The following CPLX2 variants were observed in gnomAD, a reference collection of about 807,000 sequenced individuals.
CPLX2 encodes the protein complexin 2, also known as complexin-2.
A neutral mutation model predicts 16.3 loss-of-function variants in CPLX2; 5 were observed. The ratio of observed to expected loss-of-function variants is 0.31; its 90% confidence interval spans 0.16 to 0.64. The LOEUF is 0.64. Ranked by LOEUF, CPLX2 falls within the 30% of genes least tolerant of loss-of-function variation. The probability of loss-of-function intolerance (pLI) is 0.79; values close to 1 mark genes in which losing one functional copy is unlikely to be tolerated. For missense variants in CPLX2, 144 were observed against 181.4 expected, an observed-to-expected ratio of 0.79 and a Z score of 1.18; for synonymous variants, 89 against 73.2, an observed-to-expected ratio of 1.22 and a Z score of -1.10.
chr5:175,845,471 G>A lies in CPLX2; in HGVS notation c.-88-33181G>A, dbSNP rs1207583704. On this transcript the variant is annotated intron_variant, in intron 2 of 4. Transcript: ENST00000359546. This position sits in a 1 kb window ranked among gnomAD's most constrained non-coding sequence, Gnocchi z 4.0. ...CTTTGCACCTGCTTTTGCTCTCCTT[G>A]GCAGATTATCCCATCAGGCAAAGGT... 1.3e-5 allele frequency among the ~76,000 whole-genome samples: 2 copies of A among 152,094 alleles called. No homozygotes were observed. The highest frequency in any genetic ancestry group is 3.9e-4 in the East Asian group (2 of 5,192).
rs568629664 is a variant in CPLX2 at position 175,844,304 on chromosome 5, G to C, written c.-88-34348G>C. 3.9e-4 allele frequency among the ~76,000 whole-genome samples: 60 copies of C among 152,346 alleles called. 1 individual carries two copies. Among genetic ancestry groups the C allele is most frequent in the African/African-American group, 1.4e-3 (60 of 41,576 alleles). On this transcript the variant is annotated intron_variant, in intron 2 of 4. Transcript: ENST00000359546. ...ATGGAGGCACCCAGAAAGGCAAGAA[G>C]TTTCTGTTTCTTCATCAGGAAAATC...
chr5:175,826,439 C>T (rs1289939830), intron 2 of CPLX2, among the ~76,000 whole-genome samples: 2 of 151,572 alleles, frequency 1.3e-5, no homozygotes, highest in African/African-American at 2.4e-5. Flanking sequence ...GTCATGGCCA[C>T]AGCATGAGCA....
chr5:175,852,639 G>T (rs1004590550), intron 2 of CPLX2, among the ~76,000 whole-genome samples: 2 of 152,330 alleles, frequency 1.3e-5, no homozygotes, highest in South Asian at 2.1e-4. Context: ...GAGACAAAGT[G>T]TCTTCTTCCC....
At position 175,843,182 on chromosome 5, in the gene CPLX2, G is replaced by A. The variant is rs759391417; in HGVS notation, c.-89+34114G>A. Among the ~76,000 whole-genome samples the A allele has an allele frequency of 1.6e-4, 25 of 152,162 alleles. 1 individual carries two copies. The highest frequency in any genetic ancestry group is 2.6e-4 in the Non-Finnish European group (18 of 68,028). ...GAGCCAGTCTCTGAGGCAGCCAGAC[G>A]GGGTCAGCTAGTCAGACAACAGGCT... On this transcript the variant is annotated intron_variant, in intron 2 of 4. Coordinates refer to the CPLX2 transcript ENST00000359546.
At chr5:175,855,091 G>T (rs959923038) in intron 2 of CPLX2, among the ~76,000 whole-genome samples, 1 of 152,216 alleles carries the variant, frequency 6.6e-6, no homozygotes, top group Non-Finnish European at 1.5e-5. Context: ...AGCCAGCAAG[G>T]CTTCTTTCCT....
At chr5:175,858,431 G>A (rs1010813840) in intron 2 of CPLX2, among the ~76,000 whole-genome samples, 1 of 152,252 alleles carries the variant, frequency 6.6e-6, no homozygotes, top group Non-Finnish European at 1.5e-5. Flanking sequence ...CGAAGACCCT[G>A]GCAGGGAGCA....
intron 1 of CPLX2, among the ~76,000 whole-genome samples, chr5:175,873,462 T>C (rs990359449): frequency 1.3e-5 from 2 of 151,924 alleles, no homozygotes; most frequent in Non-Finnish European, 2.9e-5. Flanking sequence ...TGAAACAAGA[T>C]ACTGGTCCTG....
upstream of CPLX2, among the ~76,000 whole-genome samples, chr5:175,869,416 A>ATCCTATGGCTGGACAGC (rs554838386): frequency 1.9e-3 from 290 of 152,306 alleles, no homozygotes; most frequent in African/African-American, 6.6e-3. Flanking sequence ...AGGGCAGTCT[A>ATCCTATGGCTGGACAGC]TCCTATGGCT....
At position 175,849,290 on chromosome 5, in the gene CPLX2, G is replaced by A. The variant is rs556850122; in HGVS notation, c.-88-29362G>A. On this transcript the variant is annotated intron_variant, in intron 2 of 4. Transcript: ENST00000359546. This position sits in a 1 kb window ranked among gnomAD's most constrained non-coding sequence, Gnocchi z 4.4. ...GGGATGTCCGGCTACCCTTGGGTGAGGACAGGGTAGTGTGCTCTCTGATTC... is the reference window on the plus strand; with the variant it reads ...GGGATGTCCGGCTACCCTTGGGTGAAGACAGGGTAGTGTGCTCTCTGATTC... Among the ~76,000 whole-genome samples, 51 of 152,204 alleles carry A rather than the reference G, an allele frequency of 3.4e-4. No individual in the cohort carries two copies. Among genetic ancestry groups the A allele is most frequent in the Non-Finnish European group, 7.2e-4 (49 of 68,036 alleles).
chr5:175,862,541 T>C (rs915395487), intron 2 of CPLX2, among the ~76,000 whole-genome samples: 4 of 152,150 alleles, frequency 2.6e-5, no homozygotes, highest in Admixed American at 2.0e-4. Context: ...TCATCTGGTG[T>C]TGATGGGGCA....
chr5:175,802,938 TCTC>T (rs1758127094), intron 1 of CPLX2, among the ~76,000 whole-genome samples: 1 of 151,868 alleles, frequency 6.6e-6, no homozygotes, highest in Non-Finnish European at 1.5e-5. Context: ...TTCAAGCAAT[TCTC>T]CTGCCTCAGC....
chr5:175,878,447 T>C, intron 1 of CPLX2: 6 of 526,626 alleles, frequency 1.1e-5, no homozygotes, highest in Middle Eastern at 4.9e-4. Context: ...CAAACCGCTT[T>C]CAAAAAGCTA....
Position 175,806,485 on chromosome 5 carries a change from G to A in CPLX2, c.-168-2504G>A, listed in dbSNP as rs1049154170. Among the ~76,000 whole-genome samples, 9 of 152,020 alleles carry A rather than the reference G, an allele frequency of 5.9e-5. No individual in the cohort carries two copies. In the South Asian group the frequency reaches 1.7e-3, roughly 28 times the overall value. ...TGCTTTCCTGCTCGTGTCCCCATTC[G>A]GCTGTGAACTTTTTTTGTTTTTGAG... On this transcript the variant is annotated intron_variant, in intron 1 of 4. Coordinates refer to the CPLX2 transcript ENST00000359546.
chr5:175,871,760 C>T (rs1375683639), intron 1 of CPLX2, 55 bp downstream of exon 1: 1 of 152,446 alleles, frequency 6.6e-6, no homozygotes, highest in Non-Finnish European at 1.5e-5. Context: ...CAACAGGGTC[C>T]CGGCTCTCGC....
chr5:175,797,501 A>G (rs1403715587), intron 1 of CPLX2, among the ~76,000 whole-genome samples: 1 of 152,136 alleles, frequency 6.6e-6, no homozygotes, highest in East Asian at 1.9e-4. Context: ...TCTTCCCTCC[A>G]GACCCCCACC....
chr5:175,862,825 T>C (rs1018353617), intron 2 of CPLX2, among the ~76,000 whole-genome samples: 1 of 152,174 alleles, frequency 6.6e-6, no homozygotes, highest in Non-Finnish European at 1.5e-5. Context: ...GATGTGCTGA[T>C]CAGTCCAGCC....
chr5:175,879,433 C>A (rs1175479831), intron 3 of CPLX2, among the ~76,000 whole-genome samples: 1 of 152,182 alleles, frequency 6.6e-6, no homozygotes, highest in Non-Finnish European at 1.5e-5. Flanking sequence ...GCTGTCACTC[C>A]CAGCGGGTCT....
chr5:175,867,664 T>A (rs1470719980), upstream of CPLX2, among the ~76,000 whole-genome samples: 1 of 151,976 alleles, frequency 6.6e-6, no homozygotes, highest in East Asian at 1.9e-4. Flanking sequence ...AGGAGTCACA[T>A]CCCATCAGGA....
chr5:175,821,324 CTCTG>C (rs1230966126), intron 2 of CPLX2, among the ~76,000 whole-genome samples: 7 of 152,272 alleles, frequency 4.6e-5, no homozygotes, highest in African/African-American at 1.4e-4. Context: ...GACTCAGTCT[CTCTG>C]TCTCTGTGCC....
Sources: allele counts gnomAD v4.1 joint callset (sites outside exome capture counted in the v4.1 genomes callset), GRCh38; gene constraint gnomAD v4.1.1; non-coding constraint Gnocchi (gnomAD v3.1); transcripts MANE v1.5; gene names NCBI Gene and HGNC (gene_info 2026-07-23, HGNC 2026-07-21).